SPON1: variants seen among roughly 807,000 people sequenced by gnomAD.
SPON1 encodes the protein spondin 1.
Under a neutral mutation model 111.7 loss-of-function variants are expected in SPON1, and 52 were observed. The observed-to-expected ratio is 0.47, with a 90% CI of 0.37 to 0.59. The LOEUF (loss-of-function observed/expected upper bound fraction) is 0.59, where lower values mean the gene tolerates loss of function less well. SPON1 is among the 20% of genes least tolerant of loss of function. The pLI is 0.00. For missense variants in SPON1, 957 were observed against 1,068.5 expected (o/e 0.90, Z 1.46); for synonymous variants, 410 against 395.8 (o/e 1.04, Z -0.43).
At chr11:14,115,345 A>G (rs905888200) in intron 5 of SPON1, among the ~76,000 whole-genome samples, 2 of 152,232 alleles carry the variant, frequency 1.3e-5, no homozygotes, top group Non-Finnish European at 2.9e-5. Flanking sequence ...AAAGCTTCAC[A>G]TTCATGTGAA....
intron 2 of SPON1, among the ~76,000 whole-genome samples, chr11:13,991,192 C>T (rs532278499): frequency 2.0e-5 from 3 of 152,308 alleles, no homozygotes; most frequent in South Asian, 2.1e-4. Flanking sequence ...CCATTCTCCC[C>T]GTCACTTTCA....
At chr11:14,047,113 CGATGTAAAT>C (rs1264553224) in intron 3 of SPON1, among the ~76,000 whole-genome samples, 1 of 151,900 alleles carries the variant, frequency 6.6e-6, no homozygotes, top group Non-Finnish European at 1.5e-5. Flanking sequence ...TTGGGATTGT[CGATGTAAAT>C]GATCATATCT....
chr11:14,141,948 C>G (rs1847662003), intron 6 of SPON1, among the ~76,000 whole-genome samples: 1 of 152,272 alleles, frequency 6.6e-6, no homozygotes, highest in South Asian at 2.1e-4. Context: ...ATCTTCCATG[C>G]TTATGAGAAG....
Position 14,209,782 on chromosome 11 carries a change from T to TG in SPON1, c.826-33548dup, listed in dbSNP as rs782047201. Among the ~76,000 whole-genome samples the TG allele has an allele frequency of 2.6e-5, 4 of 152,296 alleles. No homozygotes were observed. In the East Asian group the frequency reaches 7.7e-4, roughly 29 times the overall value. ...AATCCTTTGGGTATATACCCAGTAA[T>TG]GGATTGCTGGGTCAAATGGTATTTC... On this transcript the variant is annotated intron_variant, in intron 6 of 15. Transcript: ENST00000576479.
chr11:14,188,781 A>T (rs1848313672), intron 6 of SPON1, among the ~76,000 whole-genome samples: 1 of 152,194 alleles, frequency 6.6e-6, no homozygotes, highest in Non-Finnish European at 1.5e-5. Context: ...CTGTCTTCTC[A>T]TCTGTAAAAT....
chr11:14,031,051 G>A (rs1848555186), intron 2 of SPON1, among the ~76,000 whole-genome samples: 2 of 152,172 alleles, frequency 1.3e-5, no homozygotes, highest in African/African-American at 4.8e-5. Flanking sequence ...ATCCTTTGCA[G>A]CAATATGGAT....
intron 5 of SPON1, among the ~76,000 whole-genome samples, chr11:14,093,328 G>T (rs1226210953): frequency 6.6e-6 from 1 of 152,212 alleles, no homozygotes; most frequent in Non-Finnish European, 1.5e-5. Flanking sequence ...CTTTGCCAAG[G>T]AATTGGGAGT....
intron 2 of SPON1, among the ~76,000 whole-genome samples, chr11:13,992,360 A>C (rs1172472771): frequency 5.3e-5 from 8 of 152,156 alleles, no homozygotes; most frequent in African/African-American, 1.9e-4. Flanking sequence ...CACTGTGACC[A>C]TAAAACTGTC....
At chr11:14,090,567 T>C (rs1276388686) in intron 5 of SPON1, among the ~76,000 whole-genome samples, 1 of 151,894 alleles carries the variant, frequency 6.6e-6, no homozygotes, top group Non-Finnish European at 1.5e-5. Context: ...CAGACCTTTG[T>C]GGTGAGTGTT....
intron 10 of SPON1, among the ~76,000 whole-genome samples, chr11:14,257,472 T>C (rs549429395): frequency 7.2e-5 from 11 of 152,316 alleles, no homozygotes; most frequent in Admixed American, 5.2e-4. Context: ...AAGACGTTCA[T>C]GTGTTGAGAG....
intron 2 of SPON1, among the ~76,000 whole-genome samples, chr11:13,986,614 G>A (rs1554910405): frequency 6.7e-6 from 1 of 150,342 alleles, no homozygotes; most frequent in African/African-American, 2.5e-5. Context: ...GGGTACGTGT[G>A]CAGTTTTGCT....
intron 6 of SPON1, among the ~76,000 whole-genome samples, chr11:14,210,047 T>C (rs1327611073): frequency 1.3e-5 from 2 of 152,182 alleles, no homozygotes; most frequent in Admixed American, 1.3e-4. Flanking sequence ...TTGTTGGCCA[T>C]GTAAATGTCT....
intron 5 of SPON1, among the ~76,000 whole-genome samples, chr11:14,095,639 G>C (rs942299717): frequency 1.3e-5 from 2 of 152,148 alleles, no homozygotes; most frequent in African/African-American, 4.8e-5. Flanking sequence ...AATGTCCCTG[G>C]TCAAGCAGGC....
chr11:14,241,841 T>C (rs1848930476), intron 6 of SPON1, among the ~76,000 whole-genome samples: 1 of 152,150 alleles, frequency 6.6e-6, no homozygotes, highest in Non-Finnish European at 1.5e-5. Flanking sequence ...AACTGCTCTG[T>C]TGGGAAATGC....
intron 6 of SPON1, among the ~76,000 whole-genome samples, chr11:14,181,138 C>A (rs1554933656): frequency 6.6e-6 from 1 of 152,158 alleles, no homozygotes; most frequent in Non-Finnish European, 1.5e-5. Context: ...GATTTCTGTC[C>A]AAAGGCTGAT....
intron 5 of SPON1, among the ~76,000 whole-genome samples, chr11:14,108,148 G>A (rs1002687820): frequency 1.3e-5 from 2 of 152,202 alleles, no homozygotes; most frequent in Non-Finnish European, 2.9e-5. Context: ...CTGTATTGTT[G>A]TAGAGTTGGA....
intron 4 of SPON1, 106 bp from the exon 5 acceptor site, chr11:14,079,793 C>A: frequency 8.1e-7 from 1 of 1,228,012 alleles, no homozygotes; most frequent in Non-Finnish European, 1.2e-6. Flanking sequence ...ATGAAAGCTG[C>A]ATCTTCTTTT....
At chr11:14,071,404 A>AGGGACTTGGTGACATCAG (rs1848874922) in intron 3 of SPON1, among the ~76,000 whole-genome samples, 1 of 151,866 alleles carries the variant, frequency 6.6e-6, no homozygotes, top group Non-Finnish European at 1.5e-5. Flanking sequence ...GACATCAGCC[A>AGGGACTTGGTGACATCAG]CTCCAAATCC....
intron 2 of SPON1, among the ~76,000 whole-genome samples, chr11:14,010,831 G>T (rs546723642): frequency 6.6e-6 from 1 of 152,346 alleles, no homozygotes; most frequent in African/African-American, 2.4e-5. Flanking sequence ...GCTCTAGCCA[G>T]CTTGTCCGGA....
Sources: allele counts gnomAD v4.1 joint callset (sites outside exome capture counted in the v4.1 genomes callset), GRCh38; gene constraint gnomAD v4.1.1; transcripts MANE v1.5; gene names NCBI Gene and HGNC (gene_info 2026-07-23, HGNC 2026-07-21).